Variants in PHEX observed in about 807,000 individuals in gnomAD.
PHEX encodes the protein phosphate-regulating neutral endopeptidase PHEX.
In PHEX, 16 loss-of-function variants were observed where a neutral mutation model predicts 68.0. That is an observed-to-expected ratio of 0.24 (90% CI 0.16 to 0.36). The LOEUF (loss-of-function observed/expected upper bound fraction) is 0.36, where lower values mean the gene tolerates loss of function less well. Among genes scored for constraint, PHEX ranks in the 10% least tolerant of loss-of-function variants. The probability of loss-of-function intolerance (pLI) is 1.00; values close to 1 mark genes in which losing one functional copy is unlikely to be tolerated. For synonymous variants in PHEX, 208 were observed against 205.1 expected (o/e 1.01, Z -0.12); for missense variants, 480 against 575.5 (o/e 0.83, Z 1.70).
At chrX:22,138,939 T>C (rs1365186896) in intron 12 of PHEX, among the ~76,000 whole-genome samples, 1 of 111,404 alleles carries the variant, frequency 9.0e-6, no homozygotes, top group East Asian at 2.8e-4. Flanking sequence ...CTCACACACA[T>C]GCAGGCCAAG....
chrX:22,068,606 C>T (rs183481621), intron 3 of PHEX, among the ~76,000 whole-genome samples: 74 of 111,963 alleles, frequency 6.6e-4, no homozygotes, highest in African/African-American at 2.3e-3. Context: ...TGGACAAGTT[C>T]TTATAGTTTT....
intron 3 of PHEX, among the ~76,000 whole-genome samples, chrX:22,073,978 G>A (rs1929031926): frequency 9.0e-6 from 1 of 111,062 alleles, no homozygotes; most frequent in Non-Finnish European, 1.9e-5. Flanking sequence ...CAGTTGTAAG[G>A]TGGTAAGAAA....
At chrX:22,211,651 ATAAAGAAGGAC>A (rs1410190969) in intron 15 of PHEX, among the ~76,000 whole-genome samples, 5 of 112,348 alleles carry the variant, frequency 4.5e-5, no homozygotes, top group Non-Finnish European at 9.4e-5. Context: ...TTACTGATGA[ATAAAGAAGGAC>A]TAAAAGGAAA....
Position 22,218,049 on chromosome X carries a change from C to A in PHEX, c.1701-987C>A, listed in dbSNP as rs138947167. 3.0e-3 allele frequency among the ~76,000 whole-genome samples: 324 copies of A among 109,700 alleles called. 3 individuals carry two copies. Among genetic ancestry groups the A allele is most frequent in the African/African-American group, 9.7e-3 (294 of 30,168 alleles). On this transcript the variant is annotated intron_variant, in intron 16 of 21. Transcript: ENST00000379374. The stretch of plus-strand genomic sequence containing the variant: ...ACAGACAGGTGAGTGAAGGCGACCT[C>A]ACTCACCTGTCTGTGCCCCAGTTGG...
At chrX:22,241,832 G>A (rs929471649) in intron 20 of PHEX, among the ~76,000 whole-genome samples, 3 of 111,871 alleles carry the variant, frequency 2.7e-5, no homozygotes, top group East Asian at 2.8e-4. Flanking sequence ...GTTCACAGCC[G>A]AATTCGACCA....
At chrX:22,160,017 A>G (rs1933066096) in intron 12 of PHEX, among the ~76,000 whole-genome samples, 2 of 112,291 alleles carry the variant, frequency 1.8e-5, no homozygotes, top group African/African-American at 6.5e-5. Flanking sequence ...GTAATCGATA[A>G]TATTACGTTT....
chrX:22,091,537 T>A (rs1279208493), intron 6 of PHEX, among the ~76,000 whole-genome samples: 2 of 111,966 alleles, frequency 1.8e-5, no homozygotes, highest in Non-Finnish European at 3.8e-5. Context: ...CTTCATCACA[T>A]TGCCTCCTTA....
chrX:22,115,950 T>C (rs1316092931), intron 11 of PHEX, among the ~76,000 whole-genome samples: 1 of 112,698 alleles, frequency 8.9e-6, no homozygotes, highest in Non-Finnish European at 1.9e-5. Context: ...TATACTGATT[T>C]TACTTACTTT....
intron 1 of PHEX, among the ~76,000 whole-genome samples, chrX:22,035,636 A>G (rs1480500259): frequency 2.7e-5 from 3 of 111,563 alleles, no homozygotes; most frequent in African/African-American, 9.8e-5. Context: ...GAAACAGGCA[A>G]TGGATTTGAC....
At chrX:22,116,914 G>A (rs1478808664) in intron 11 of PHEX, among the ~76,000 whole-genome samples, 1 of 110,480 alleles carries the variant, frequency 9.1e-6, no homozygotes, top group African/African-American at 3.3e-5. Context: ...AGTTTTATTG[G>A]GGGTCTGAAG....
intron 3 of PHEX, among the ~76,000 whole-genome samples, chrX:22,057,333 G>A (rs768888507): frequency 3.6e-5 from 4 of 111,764 alleles, no homozygotes; most frequent in African/African-American, 1.3e-4. Context: ...GCTGGGTGCC[G>A]TGGCTCACGG....
intron 20 of PHEX, among the ~76,000 whole-genome samples, chrX:22,227,959 T>C (rs914103611): frequency 6.3e-5 from 7 of 111,750 alleles, no homozygotes; most frequent in Admixed American, 1.9e-4. Flanking sequence ...ATGGGCCTGC[T>C]CTTTCCTATA....
In PHEX at chrX:22,051,330, A is replaced by G. The variant is rs763478810; in HGVS notation, c.349+4119A>G. 2.2e-4 allele frequency among the ~76,000 whole-genome samples: 25 copies of G among 112,171 alleles called. No individual in the cohort carries two copies. The Admixed American group carries it at 2.4e-3, about 11-fold the overall frequency. On this transcript the variant is annotated intron_variant, in intron 3 of 21. Coordinates refer to ENST00000379374, the MANE Select transcript of PHEX (RefSeq NM_000444.6). Reference sequence around the variant, plus strand: ...TGGATTGCTTGAGGTCAGGAGTTCAAGACCAGCCTGGCCAATGTGGCGAAA... The same window carrying G: ...TGGATTGCTTGAGGTCAGGAGTTCAGGACCAGCCTGGCCAATGTGGCGAAA...
intron 12 of PHEX, among the ~76,000 whole-genome samples, chrX:22,143,794 A>G (rs1932565661): frequency 8.9e-6 from 1 of 112,411 alleles, no homozygotes; most frequent in Non-Finnish European, 1.9e-5. Flanking sequence ...GAATAGCAAA[A>G]TAAACCCCTG....
intron 3 of PHEX, among the ~76,000 whole-genome samples, chrX:22,074,743 T>G (rs755737638): frequency 3.5e-4 from 38 of 109,068 alleles, no homozygotes; most frequent in Non-Finnish European, 5.5e-4. Flanking sequence ...TGGCTTTAGA[T>G]CTTTCTGCGT....
intron 20 of PHEX, among the ~76,000 whole-genome samples, chrX:22,232,194 T>G (rs760543437): frequency 1.8e-5 from 2 of 111,712 alleles, no homozygotes; most frequent in East Asian, 2.8e-4. Context: ...TACTTCCAAT[T>G]ATGTGATCAA....
intron 3 of PHEX, among the ~76,000 whole-genome samples, chrX:22,071,289 G>T (rs1027272747): frequency 8.9e-6 from 1 of 111,837 alleles, no homozygotes; most frequent in East Asian, 2.8e-4. Flanking sequence ...GAAAACAGAT[G>T]AATGAAGTCT....
chrX:22,052,187 A>G (rs569689065), intron 3 of PHEX, among the ~76,000 whole-genome samples: 1 of 112,319 alleles, frequency 8.9e-6, no homozygotes, highest in South Asian at 3.6e-4. Context: ...AATTATACAT[A>G]TCTTCTAAGG....
chrX:22,096,100 C>T (rs1489933137), intron 7 of PHEX, among the ~76,000 whole-genome samples: 2 of 111,295 alleles, frequency 1.8e-5, no homozygotes, highest in Admixed American at 9.6e-5. Context: ...ATGCAAGAGT[C>T]GGAGAGTCAT....
Sources: allele counts gnomAD v4.1 joint callset (sites outside exome capture counted in the v4.1 genomes callset), GRCh38; gene constraint gnomAD v4.1.1; transcripts MANE v1.5; gene names NCBI Gene and HGNC (gene_info 2026-07-23, HGNC 2026-07-21).